Variants in PCSK5 observed in about 807,000 individuals in gnomAD.
The protein encoded by PCSK5 is proprotein convertase subtilisin/kexin type 5.
In PCSK5, 129 loss-of-function variants were observed where a neutral mutation model predicts 233.2. The ratio of observed to expected loss-of-function variants is 0.55; its 90% CI spans 0.48 to 0.64. The LOEUF (loss-of-function observed/expected upper bound fraction) is 0.64. Among genes scored for constraint, PCSK5 ranks in the 30% least tolerant of loss-of-function variants. The pLI, the probability that PCSK5 is intolerant of heterozygous loss-of-function variation, is 0.00. For missense variants in PCSK5, 2,076 were observed against 2,430.1 expected (o/e 0.85, Z 3.06); for synonymous variants, 825 against 879.2 (o/e 0.94, Z 1.09).
chr9:76,037,342 T>G (rs1041917761), intron 5 of PCSK5, among the ~76,000 whole-genome samples: 1 of 152,036 alleles, frequency 6.6e-6, no homozygotes, highest in Admixed American at 6.5e-5. Flanking sequence ...TCTACTTACA[T>G]GTATTGACAA....
chr9:76,033,773 T>C (rs934133119), intron 5 of PCSK5, among the ~76,000 whole-genome samples: 1 of 152,174 alleles, frequency 6.6e-6, no homozygotes, highest in Non-Finnish European at 1.5e-5. Context: ...CTTCTTGCTG[T>C]GTCCTCACAT....
intron 2 of PCSK5, among the ~76,000 whole-genome samples, chr9:75,945,057 C>T (rs989750421): frequency 6.0e-5 from 9 of 150,826 alleles, no homozygotes; most frequent in African/African-American, 7.3e-5. Context: ...TGTGGTGAGC[C>T]GAGATCACAC....
intron 7 of PCSK5, among the ~76,000 whole-genome samples, chr9:76,075,999 A>G (rs1830632688): frequency 6.6e-6 from 1 of 152,184 alleles, no homozygotes; most frequent in Admixed American, 6.5e-5. Context: ...GGGTAAGTGT[A>G]TGAATAAAAG....
chr9:76,022,486 TG>T (rs1828238223), intron 3 of PCSK5, among the ~76,000 whole-genome samples: 1 of 152,116 alleles, frequency 6.6e-6, no homozygotes, highest in East Asian at 1.9e-4. Flanking sequence ...GGGAAAGACC[TG>T]GGGTGGCTCG....
intron 2 of PCSK5, among the ~76,000 whole-genome samples, chr9:75,936,691 C>G (rs1046085247): frequency 2.0e-5 from 3 of 152,148 alleles, no homozygotes; most frequent in African/African-American, 7.2e-5. Context: ...TCTTGCATTC[C>G]TCAAAGTCAT....
At chr9:76,344,363 C>T (rs894208443) in intron 35 of PCSK5, among the ~76,000 whole-genome samples, 26 of 152,022 alleles carry the variant, frequency 1.7e-4, no homozygotes, top group East Asian at 7.7e-4. Context: ...CCCAGGAAGC[C>T]CCTAAAGCAA....
In PCSK5 at chr9:76,328,524, G is replaced by A. The variant is rs114615150; in HGVS notation, c.4570+285G>A. Among the ~76,000 whole-genome samples the A allele has an allele frequency of 8.4e-3, 1,280 of 151,652 alleles. 11 individuals carry two copies. The highest frequency in any genetic ancestry group is 0.029 in the African/African-American group (1,210 of 41,298). ...CTCACTCATTCTCTCTCTCTCTATC[G>A]CTCTCTTCCTCTCACTCTCTCAATG... On this transcript the variant is annotated intron_variant, in intron 33 of 37. Coordinates refer to ENST00000674117, the MANE Select transcript of PCSK5 (RefSeq NM_001372043.1).
At chr9:75,905,580 A>C (rs2131213262) in intron 1 of PCSK5, among the ~76,000 whole-genome samples, 1 of 152,306 alleles carries the variant, frequency 6.6e-6, no homozygotes, top group Middle Eastern at 3.4e-3. Flanking sequence ...AAACAATTTA[A>C]TATTCTGCTT....
chr9:76,017,931 C>T (rs1221646927), intron 3 of PCSK5, among the ~76,000 whole-genome samples: 1 of 150,292 alleles, frequency 6.7e-6, no homozygotes, highest in Non-Finnish European at 1.5e-5. Context: ...CATCAACTTA[C>T]GGCCTTCCTC....
At chr9:76,047,136 G>A (rs1293640745) in intron 5 of PCSK5, among the ~76,000 whole-genome samples, 3 of 150,350 alleles carry the variant, frequency 2.0e-5, no homozygotes, top group Non-Finnish European at 1.5e-5. Flanking sequence ...TTGCTCTGTC[G>A]CCCATGCTGG....
chr9:76,191,356 A>G (rs1269866131), intron 20 of PCSK5, among the ~76,000 whole-genome samples: 1 of 152,188 alleles, frequency 6.6e-6, no homozygotes. Context: ...TGGACTTGGA[A>G]GTCAGAATGC....
chr9:76,133,779 A>G (rs1822856734), intron 9 of PCSK5, among the ~76,000 whole-genome samples: 1 of 152,042 alleles, frequency 6.6e-6, no homozygotes, highest in Non-Finnish European at 1.5e-5. Flanking sequence ...CCAAGCTTTT[A>G]TACAAAGGAT....
intron 7 of PCSK5, among the ~76,000 whole-genome samples, chr9:76,080,552 C>T (rs1370641368): frequency 1.3e-5 from 2 of 152,174 alleles, no homozygotes; most frequent in African/African-American, 4.8e-5. Flanking sequence ...AAGGATCACA[C>T]TGGTATTATT....
At chr9:76,325,599 T>C (rs965297475) in intron 32 of PCSK5, among the ~76,000 whole-genome samples, 12 of 152,146 alleles carry the variant, frequency 7.9e-5, no homozygotes, top group African/African-American at 2.9e-4. Flanking sequence ...GAGGACAGAG[T>C]TGGAAACTCA....
intron 2 of PCSK5, among the ~76,000 whole-genome samples, chr9:75,944,938 C>T (rs887797393): frequency 1.3e-5 from 2 of 151,776 alleles, no homozygotes; most frequent in African/African-American, 4.8e-5. Flanking sequence ...GGAGAAACAC[C>T]ATCTCTACTA....
At chr9:75,972,606 G>A (rs180749147) in intron 2 of PCSK5, among the ~76,000 whole-genome samples, 1 of 152,204 alleles carries the variant, frequency 6.6e-6, no homozygotes, top group Admixed American at 6.5e-5. Flanking sequence ...TCCCTTGTTG[G>A]CTATATTCCT....
chr9:76,204,419 T>C (rs1234009289), intron 20 of PCSK5, among the ~76,000 whole-genome samples: 2 of 152,124 alleles, frequency 1.3e-5, no homozygotes, highest in African/African-American at 2.4e-5. Flanking sequence ...ATTTCATTTT[T>C]CTTTCTTTTT....
chr9:76,236,035 T>G (rs1234490772), intron 22 of PCSK5, among the ~76,000 whole-genome samples: 1 of 152,224 alleles, frequency 6.6e-6, no homozygotes, highest in Non-Finnish European at 1.5e-5. Context: ...TCATTAAGGT[T>G]TAGGTATGAT....
chr9:76,252,458 T>C (rs1826842125), intron 24 of PCSK5, among the ~76,000 whole-genome samples: 1 of 152,212 alleles, frequency 6.6e-6, no homozygotes, highest in African/African-American at 2.4e-5. Context: ...TAATTTGGGT[T>C]CACTGCTCAT....
Sources: gnomAD v4.1 joint callset for allele counts (sites outside exome capture counted in the v4.1 genomes callset) on GRCh38, gnomAD v4.1.1 for gene constraint, MANE v1.5 for transcripts, NCBI Gene and HGNC (gene_info 2026-07-23, HGNC 2026-07-21) for gene names.